Variants in TRPC4AP observed in about 807,000 individuals in gnomAD.
TRPC4AP encodes the protein short transient receptor potential channel 4-associated protein.
Under a neutral mutation model 99.0 loss-of-function variants are expected in TRPC4AP, and 45 were observed. The observed-to-expected ratio is 0.45, with a 90% CI of 0.36 to 0.58. TRPC4AP has a LOEUF of 0.58. Among genes scored for constraint, TRPC4AP ranks in the 20% least tolerant of loss-of-function variants. The pLI is 0.00. For missense variants in TRPC4AP, 879 were observed against 985.3 expected, an observed-to-expected ratio of 0.89 and a Z score of 1.44; for synonymous variants, 408 against 385.8, an observed-to-expected ratio of 1.06 and a Z score of -0.67.
chr20:35,010,794 A>G (rs2082618002), intron 11 of TRPC4AP, among the ~76,000 whole-genome samples: 1 of 152,128 alleles, frequency 6.6e-6, no homozygotes, highest in African/African-American at 2.4e-5. Flanking sequence ...ATCCCACAGG[A>G]ACTGAGTCAT....
intron 8 of TRPC4AP, among the ~76,000 whole-genome samples, chr20:35,030,949 T>G (rs1046163362): frequency 6.6e-6 from 1 of 152,362 alleles, no homozygotes; most frequent in East Asian, 1.9e-4. Context: ...TTCTCATAAG[T>G]CGGTATGCTG....
intron 3 of TRPC4AP, among the ~76,000 whole-genome samples, chr20:35,068,946 T>TACAC (rs71196783): frequency 2.0e-3 from 225 of 113,180 alleles, no homozygotes; most frequent in Admixed American, 4.0e-3. Context: ...GGGGAATATT[T>TACAC]ACACACACAC....
At chr20:35,030,821 T>A (rs1247325514) in intron 8 of TRPC4AP, among the ~76,000 whole-genome samples, 1 of 152,236 alleles carries the variant, frequency 6.6e-6, no homozygotes, top group Non-Finnish European at 1.5e-5. Context: ...AATATGCATT[T>A]ACACAATCTC....
Position 35,016,129 on chromosome 20 carries a change from A to G in TRPC4AP, c.1229T>C (p.Met410Thr). Residue 410 changes from methionine to threonine, a missense_variant, in exon 10 of 19, where the codon ATG becomes ACG. Physicochemically the swap from Met to Thr is moderately conservative, Grantham distance 81 (BLOSUM62 -1). Coordinates refer to ENST00000252015, the MANE Select transcript of TRPC4AP (RefSeq NM_015638.3). ...MGRQRNQVHR[M>T]IAEFKLIPGL... The stretch of plus-strand genomic sequence containing the variant: ...AGGGATCAGCTTGAACTCTGCAATC[A>G]TTCTGTGAACCTGAATGGGATAGGA... The G allele has an allele frequency of 6.2e-7, 1 of 1,614,220 alleles. No homozygotes were observed. The highest frequency in any genetic ancestry group is 8.5e-7 in the Non-Finnish European group (1 of 1,180,042).
intron 2 of TRPC4AP, 120 bp downstream of exon 2, chr20:35,077,926 T>G: frequency 8.8e-7 from 1 of 1,135,642 alleles, no homozygotes; most frequent in Non-Finnish European, 1.2e-6. Flanking sequence ...AAATTTTCTA[T>G]AGCTCACACA....
At chr20:35,012,928 G>A in intron 11 of TRPC4AP, 80 bp downstream of exon 11, 1 of 1,471,108 alleles carries the variant, frequency 6.8e-7, no homozygotes, top group Non-Finnish European at 9.5e-7. Context: ...CTCGAGCTGA[G>A]GTCAGGGACC....
chr20:35,086,565 G>T (rs1334870041), intron 1 of TRPC4AP, among the ~76,000 whole-genome samples: 1 of 105,386 alleles, frequency 9.5e-6, no homozygotes, highest in African/African-American at 4.0e-5. Context: ...GTGTGTGTGT[G>T]TGTGTGTGTG....
chr20:35,044,299 G>A (rs1184426066), intron 7 of TRPC4AP, among the ~76,000 whole-genome samples: 1 of 151,264 alleles, frequency 6.6e-6, no homozygotes, highest in Admixed American at 6.6e-5. Flanking sequence ...GCTGAGGTGG[G>A]AGGATCACCT....
At chr20:35,057,453 G>C in intron 4 of TRPC4AP, 61 bp downstream of exon 4, 1 of 1,369,442 alleles carries the variant, frequency 7.3e-7, no homozygotes, top group Non-Finnish European at 1.0e-6. Context: ...GCAGCTGCTG[G>C]GAACTGCCAC....
intron 3 of TRPC4AP, among the ~76,000 whole-genome samples, chr20:35,066,843 A>G (rs1180393743): frequency 1.3e-5 from 2 of 152,218 alleles, no homozygotes; most frequent in Non-Finnish European, 2.9e-5. Context: ...TAAAAAATCA[A>G]AAGCACTTAC....
intron 7 of TRPC4AP, among the ~76,000 whole-genome samples, chr20:35,041,562 C>A (rs773486408): frequency 6.6e-6 from 1 of 152,038 alleles, no homozygotes; most frequent in African/African-American, 2.4e-5. Context: ...AATAAAAAAA[C>A]AAAAACAAAA....
At chr20:35,033,783 G>A (rs190630503) in intron 8 of TRPC4AP, among the ~76,000 whole-genome samples, 5 of 151,964 alleles carry the variant, frequency 3.3e-5, no homozygotes, top group Admixed American at 3.3e-4. Context: ...CTTGAGGCCA[G>A]GAGTTTGAGA....
At chr20:35,003,753 T>A in intron 17 of TRPC4AP, 137 bp from the exon 18 acceptor site, 1 of 957,040 alleles carries the variant, frequency 1.0e-6, no homozygotes, top group Non-Finnish European at 1.5e-6. Context: ...TGCACAGAGG[T>A]GAGATAGGAC....
In TRPC4AP at chr20:35,003,725, C is replaced by A. The variant is rs2082449426; in HGVS notation, c.2050-109G>T. On this transcript the variant is annotated intron_variant, in intron 17 of 18. Transcript: ENST00000252015. Reference sequence around the variant, plus strand: ...AGGAGAGTGGCCCCAGGCCTCGGGCCACCCACAGAGCTCTCCCTGCACAGA... The same window carrying A: ...AGGAGAGTGGCCCCAGGCCTCGGGCAACCCACAGAGCTCTCCCTGCACAGA... 2.5e-6 allele frequency: 3 copies of A among 1,208,348 alleles called. No individual in the cohort carries two copies. The South Asian group carries it at 4.3e-5, about 17-fold the overall frequency. The allele number at this position is 1,208,348 out of a possible 1,614,324, so 74.9% of individuals were successfully genotyped here. A position where few individuals can be genotyped will look rare whatever the true frequency, so the allele number is the denominator to read the frequency against.
intron 8 of TRPC4AP, among the ~76,000 whole-genome samples, chr20:35,024,854 A>AAAAACAAAAAAAAAACAT (rs1479270980): frequency 1.1e-5 from 1 of 89,480 alleles, no homozygotes; most frequent in African/African-American, 3.9e-5. Context: ...AAAAAAAAAA[A>AAAAACAAAAAAAAAACAT]ATTCTGTTTA....
In TRPC4AP at chr20:35,007,540, C is replaced by T; in HGVS notation, c.1686+10G>A. On this transcript the variant is annotated intron_variant, in intron 14 of 18. Coordinates refer to ENST00000252015, the MANE Select transcript of TRPC4AP (RefSeq NM_015638.3). ...ACGGAACCCAAGACACTGGCTGCTC[C>T]AGATCATACCTCCAAGAGGCCTCGC... is the stretch of plus-strand genomic sequence containing the variant. The T allele has an allele frequency of 1.2e-6, 2 of 1,613,998 alleles. No individual in the cohort carries two copies. Among genetic ancestry groups the T allele is most frequent in the Non-Finnish European group, 1.7e-6 (2 of 1,179,896 alleles).
intron 1 of TRPC4AP, among the ~76,000 whole-genome samples, chr20:35,087,304 C>T (rs2084913661): frequency 6.7e-6 from 1 of 149,300 alleles, no homozygotes; most frequent in African/African-American, 2.5e-5. Context: ...GCACCATTGC[C>T]CTCCAGCCTG....
At chr20:35,088,300 G>A (rs1323060679) in intron 1 of TRPC4AP, among the ~76,000 whole-genome samples, 1 of 152,164 alleles carries the variant, frequency 6.6e-6, no homozygotes, top group Non-Finnish European at 1.5e-5. Flanking sequence ...CTTGCCTAAA[G>A]ACACATAGTA....
At chr20:35,086,505 A>G (rs1569157759) in intron 1 of TRPC4AP, among the ~76,000 whole-genome samples, 2 of 46,648 alleles carry the variant, frequency 4.3e-5, no homozygotes. Context: ...ATGTGTATAT[A>G]TATGTGTGTG....
Sources: gnomAD v4.1 joint callset for allele counts (sites outside exome capture counted in the v4.1 genomes callset) on GRCh38, gnomAD v4.1.1 for gene constraint, MANE v1.5 for transcripts, NCBI Gene and HGNC (gene_info 2026-07-23, HGNC 2026-07-21) for gene names.